Variants in PHF8 observed in about 807,000 individuals in gnomAD.
PHF8 encodes the protein histone lysine demethylase PHF8.
A neutral mutation model predicts 74.4 loss-of-function variants in PHF8; 9 were observed. The ratio of observed to expected loss-of-function variants is 0.12; its 90% CI spans 0.07 to 0.21. The LOEUF (loss-of-function observed/expected upper bound fraction) is 0.21, where lower values mean the gene tolerates loss of function less well. PHF8 is among the 10% of genes least tolerant of loss of function. The pLI, the probability that PHF8 is intolerant of heterozygous loss-of-function variation, is 1.00. For missense variants in PHF8, 478 were observed against 816.6 expected, an observed-to-expected ratio of 0.59 and a Z score of 5.05; for synonymous variants, 311 against 316.6, an observed-to-expected ratio of 0.98 and a Z score of 0.19.
Position 53,970,697 on chromosome X carries a change from T to C in PHF8, c.2444-7758A>G, listed in dbSNP as rs1266142352. On this transcript the variant is annotated intron_variant, in intron 18 of 21. Coordinates refer to ENST00000338154, the MANE Select transcript of PHF8 (RefSeq NM_015107.3). ...CAGAAAACAGCAGGGGTCACAATCC[T>C]AGTTTCTGACAAAACAGACTTTAAA... is the stretch of plus-strand genomic sequence containing the variant. Among the ~76,000 whole-genome samples the C allele has an allele frequency of 4.5e-5, 5 of 111,276 alleles. No individual in the cohort carries two copies. The Admixed American group carries it at 4.8e-4, about 11-fold the overall frequency.
chrX:53,977,235 T>C (rs1460848723), intron 18 of PHF8, among the ~76,000 whole-genome samples: 1 of 111,724 alleles, frequency 9.0e-6, no homozygotes, highest in African/African-American at 3.2e-5. Context: ...CTCAGGAGGC[T>C]GAGGCATGAG....
At chrX:53,966,380 T>C (rs1398527806) in intron 18 of PHF8, among the ~76,000 whole-genome samples, 6 of 112,617 alleles carry the variant, frequency 5.3e-5, no homozygotes, top group East Asian at 2.8e-4. Flanking sequence ...TGCAGGCGCG[T>C]GCCGCCACGC....
At chrX:54,043,287 A>G (rs2066595387) in intron 1 of PHF8, 1 of 170,199 alleles carries the variant, frequency 5.9e-6, no homozygotes, top group Non-Finnish European at 9.3e-6. Context: ...AGAGAGAGAT[A>G]AGGGATCCCT....
chrX:53,943,097 A>G, intron 20 of PHF8: 4 of 822,044 alleles, frequency 4.9e-6, no homozygotes, highest in Non-Finnish European at 3.0e-6. Context: ...AGCTCCTTAA[A>G]AGGCACTAAG....
At chrX:53,991,837 AT>A (rs200660560) in intron 14 of PHF8, among the ~76,000 whole-genome samples, 1,622 of 108,368 alleles carry the variant, frequency 0.015, 12 homozygotes, top group Middle Eastern at 0.019. Context: ...CCCCATCTCT[AT>A]TTTTTTTTAA....
At chrX:54,037,276 C>G (rs782721782) in intron 2 of PHF8, among the ~76,000 whole-genome samples, 1 of 111,592 alleles carries the variant, frequency 9.0e-6, no homozygotes, top group Non-Finnish European at 1.9e-5. Flanking sequence ...GAGACAGGGT[C>G]TCGCTCTGTC....
At chrX:53,977,433 A>G (rs2149815858) in intron 18 of PHF8, among the ~76,000 whole-genome samples, 1 of 112,379 alleles carries the variant, frequency 8.9e-6, no homozygotes, top group East Asian at 2.8e-4. Flanking sequence ...TGACACTTCA[A>G]AAAAGAGGAT....
upstream of PHF8, among the ~76,000 whole-genome samples, chrX:54,047,879 G>A (rs1408744423): frequency 4.5e-5 from 5 of 111,802 alleles, no homozygotes; most frequent in African/African-American, 1.6e-4. Flanking sequence ...AGCTAGCTAG[G>A]GACAAAGGCA....
chrX:53,999,762 G>A (rs1264649300), intron 11 of PHF8, 108 bp downstream of exon 11: 24 of 518,711 alleles, frequency 4.6e-5, no homozygotes, highest in Non-Finnish European at 6.6e-5. Context: ...CTACACCCAG[G>A]AGCCCACAAG....
At chrX:53,949,767 G>C (rs932748089) in intron 19 of PHF8, among the ~76,000 whole-genome samples, 1 of 88,731 alleles carries the variant, frequency 1.1e-5, no homozygotes, top group Non-Finnish European at 2.1e-5. Context: ...AGCGGAGATC[G>C]CACCACTGCA....
intron 18 of PHF8, among the ~76,000 whole-genome samples, chrX:53,966,675 G>A (rs375116820): frequency 1.3e-4 from 14 of 111,688 alleles, no homozygotes; most frequent in East Asian, 5.7e-4. Context: ...AGTGAGGAGC[G>A]TCTCTGCCTG....
intron 2 of PHF8, among the ~76,000 whole-genome samples, chrX:54,027,822 CAT>C (rs1220621689): frequency 9.0e-6 from 1 of 110,934 alleles, no homozygotes; most frequent in Non-Finnish European, 1.9e-5. Context: ...TCCCTGCCCT[CAT>C]AGAGCTGATG....
chrX:53,940,721 A>G (rs2064738290), intron 20 of PHF8, among the ~76,000 whole-genome samples: 2 of 112,029 alleles, frequency 1.8e-5, no homozygotes, highest in African/African-American at 6.5e-5. Context: ...TCCATCCTTA[A>G]GTCACCACTG....
At chrX:54,003,245 C>T (rs1557104575) in intron 8 of PHF8, among the ~76,000 whole-genome samples, 1 of 111,576 alleles carries the variant, frequency 9.0e-6, no homozygotes, top group Non-Finnish European at 1.9e-5. Flanking sequence ...TAATAAAAAG[C>T]TCTTCTGGGT....
At chrX:53,955,608 A>G in intron 19 of PHF8, among the ~76,000 whole-genome samples, 1 of 94,266 alleles carries the variant, frequency 1.1e-5, no homozygotes, top group East Asian at 3.2e-4. Context: ...TTACACTGGC[A>G]TGAACTTCTA....
At chrX:53,983,228 A>G (rs1412788418) in intron 18 of PHF8, among the ~76,000 whole-genome samples, 1 of 111,446 alleles carries the variant, frequency 9.0e-6, no homozygotes, top group Non-Finnish European at 1.9e-5. Flanking sequence ...AAAATCATCT[A>G]CATGCTAGAA....
At position 53,993,836 on chromosome X, in the gene PHF8, C is replaced by A. The variant is rs1557102090; in HGVS notation, c.1391G>T (p.Gly464Val). Residue 464 changes from glycine to valine, a missense_variant, in exon 13 of 22, where the codon GGC (glycine) becomes GTC (valine). By Grantham distance (109) the Gly-to-Val change is moderately radical. Transcript: ENST00000338154. ...IFGLQRIFPA[G>V]SIPLTRPAHS... ...GGCTGGCCTGGTTAGGGGAATGGAG[C>A]CGGCTGGGAAGATCCTCTGCAGCCC... The A allele has an allele frequency of 1.7e-6, 2 of 1,207,585 alleles. No homozygotes were observed. The highest frequency in any genetic ancestry group is 2.2e-6 in the Non-Finnish European group (2 of 891,735).
At chrX:53,957,546 C>G (rs782378306) in intron 19 of PHF8, among the ~76,000 whole-genome samples, 3 of 110,746 alleles carry the variant, frequency 2.7e-5, no homozygotes, top group Non-Finnish European at 5.7e-5. Context: ...AACAAACAAA[C>G]AAACAAAAAA....
chrX:53,959,189 G>C (rs1420345820), intron 19 of PHF8, among the ~76,000 whole-genome samples: 1 of 111,594 alleles, frequency 9.0e-6, no homozygotes, highest in Admixed American at 9.6e-5. Context: ...ATGTAGAGTA[G>C]TAACAACAAT....
Sources: allele counts gnomAD v4.1 joint callset (sites outside exome capture counted in the v4.1 genomes callset), GRCh38; gene constraint gnomAD v4.1.1; transcripts MANE v1.5; gene names NCBI Gene and HGNC (gene_info 2026-07-23, HGNC 2026-07-21).